Variants in RFTN2 observed in about 807,000 individuals in gnomAD.
RFTN2 encodes the protein raftlin-2.
In RFTN2, 34 loss-of-function variants were observed where a neutral mutation model predicts 52.7. The observed-to-expected ratio is 0.64, with a 90% CI of 0.49 to 0.86. The LOEUF (loss-of-function observed/expected upper bound fraction) is 0.86, where lower values mean the gene tolerates loss of function less well. Ranked by LOEUF, RFTN2 falls within the 40% of genes least tolerant of loss-of-function variation. The probability of loss-of-function intolerance (pLI) is 0.00; values close to 1 mark genes in which losing one functional copy is unlikely to be tolerated. For missense variants in RFTN2, 536 were observed against 600.1 expected (o/e 0.89, Z 1.12); for synonymous variants, 203 against 217.7 (o/e 0.93, Z 0.59).
chr2:197,636,413 C>G (rs1459577945), intron 3 of RFTN2, among the ~76,000 whole-genome samples: 5 of 136,750 alleles, frequency 3.7e-5, no homozygotes, highest in South Asian at 2.7e-4. Flanking sequence ...CTTTTATTTC[C>G]TTGAGCAGTG....
At chr2:197,602,630 C>G (rs1390130683) in intron 7 of RFTN2, among the ~76,000 whole-genome samples, 1 of 151,440 alleles carries the variant, frequency 6.6e-6, no homozygotes, top group East Asian at 2.0e-4. Flanking sequence ...CCTCTGTCTC[C>G]CAGGTTCAAG....
chr2:197,608,627 T>G (rs1247543949), intron 7 of RFTN2, among the ~76,000 whole-genome samples: 4 of 142,482 alleles, frequency 2.8e-5, no homozygotes, highest in African/African-American at 1.0e-4. Flanking sequence ...ACCAGACTTT[T>G]TTTTTTTTTT....
chr2:197,640,036 C>A (rs1398907452), intron 3 of RFTN2, among the ~76,000 whole-genome samples: 1 of 152,320 alleles, frequency 6.6e-6, no homozygotes, highest in Middle Eastern at 3.4e-3. Flanking sequence ...GGGGTGCCTC[C>A]CAGTTAGGCT....
At chr2:197,639,561 T>G (rs1182892057) in intron 3 of RFTN2, among the ~76,000 whole-genome samples, 1 of 135,412 alleles carries the variant, frequency 7.4e-6, no homozygotes, top group Admixed American at 7.6e-5. Context: ...ATTCTTCACG[T>G]AGTTCTCGAG....
Position 197,571,692 on chromosome 2 carries a change from C to A in RFTN2, c.*316G>T. The A allele has an allele frequency of 6.5e-6, 2 of 306,408 alleles. No homozygotes were observed. The highest frequency in any genetic ancestry group is 9.3e-5 in the South Asian group (2 of 21,412). The allele number at this position is 306,408 out of a possible 1,614,324, so 19.0% of individuals were successfully genotyped here. On this transcript the variant is annotated 3_prime_UTR_variant, in exon 9 of 9. Transcript: ENST00000295049. ...CTGATTGAGATATTCAGTCTCCTTA[C>A]CAGGAATTGTAAGAAAGTCTACTTT...
chr2:197,656,318 G>A (rs2088893783), intron 1 of RFTN2, among the ~76,000 whole-genome samples: 1 of 152,188 alleles, frequency 6.6e-6, no homozygotes, highest in East Asian at 1.9e-4. Context: ...TAGAAAGAGA[G>A]GCAGTACACT....
chr2:197,621,226 G>A (rs1007895823), intron 5 of RFTN2, among the ~76,000 whole-genome samples: 1 of 151,678 alleles, frequency 6.6e-6, no homozygotes, highest in African/African-American at 2.4e-5. Context: ...GTTGTATCCT[G>A]TGATAATTAC....
intron 7 of RFTN2, among the ~76,000 whole-genome samples, chr2:197,605,704 A>AT (rs919164752): frequency 2.9e-4 from 44 of 152,082 alleles, no homozygotes; most frequent in South Asian, 8.3e-4. Flanking sequence ...TGAATGCCAC[A>AT]TTTTTTTTGC....
rs575148949 is a variant in RFTN2 at position 197,640,543 on chromosome 2, C to T, written c.438+3615G>A. On this transcript the variant is annotated intron_variant, in intron 3 of 8. Transcript: ENST00000295049. ...TTTCTTTGACTCGGAAAGGGAACTC[C>T]CTGACCCCTTGCGCTTCCCAAGTGA... is the stretch of plus-strand genomic sequence containing the variant. Among the ~76,000 whole-genome samples, 482 of 144,752 alleles carry T rather than the reference C, an allele frequency of 3.3e-3. 3 individuals carry two copies. The highest frequency in any genetic ancestry group is 0.012 in the African/African-American group (463 of 39,150). The allele number at this position is 144,752 out of a possible 152,430, so 95.0% of individuals were successfully genotyped here. A position where few individuals can be genotyped will look rare whatever the true frequency, so the allele number is the denominator to read the frequency against.
At chr2:197,601,070 T>C (rs1314732648) in intron 7 of RFTN2, among the ~76,000 whole-genome samples, 1 of 152,116 alleles carries the variant, frequency 6.6e-6, no homozygotes, top group Non-Finnish European at 1.5e-5. Flanking sequence ...GAAGGACAGG[T>C]CAGCCAGGGC....
chr2:197,593,829 T>G (rs1003691115), intron 8 of RFTN2, among the ~76,000 whole-genome samples: 1 of 142,006 alleles, frequency 7.0e-6, no homozygotes, highest in Admixed American at 7.5e-5. Flanking sequence ...GAGGGTGTAG[T>G]GAGCAGAGAT....
intron 1 of RFTN2, among the ~76,000 whole-genome samples, chr2:197,654,870 G>T (rs1238391385): frequency 6.6e-6 from 1 of 152,024 alleles, no homozygotes; most frequent in Non-Finnish European, 1.5e-5. Flanking sequence ...GGTGGTGCAT[G>T]CCTGTAATCC....
chr2:197,641,758 C>T (rs78958619), intron 3 of RFTN2, among the ~76,000 whole-genome samples: 4,019 of 152,238 alleles, frequency 0.026, 171 homozygotes, highest in African/African-American at 0.092. Context: ...ACAAGGCAGC[C>T]GCTCAAAAAT....
chr2:197,599,118 A>AT (rs1319547909), intron 7 of RFTN2, among the ~76,000 whole-genome samples: 3 of 151,694 alleles, frequency 2.0e-5, no homozygotes, highest in Admixed American at 6.6e-5. Context: ...TGCCCGGCTC[A>AT]TTTTTTGTAT....
intron 1 of RFTN2, among the ~76,000 whole-genome samples, chr2:197,658,798 T>C (rs2088930801): frequency 6.6e-6 from 1 of 152,212 alleles, no homozygotes; most frequent in South Asian, 2.1e-4. Context: ...AAATTGATGC[T>C]ACATTATTTG....
intron 6 of RFTN2, 84 bp downstream of exon 6, chr2:197,617,716 T>C (rs1391515181): frequency 1.8e-6 from 1 of 543,568 alleles, no homozygotes; most frequent in African/African-American, 2.1e-5. Context: ...AACAAACAAA[T>C]GAAAAACCCA....
intron 1 of RFTN2, among the ~76,000 whole-genome samples, chr2:197,669,194 C>G (rs2089107734): frequency 6.6e-6 from 1 of 152,106 alleles, no homozygotes; most frequent in Non-Finnish European, 1.5e-5. Flanking sequence ...TATGAAGGAC[C>G]AAATTATGAC....
intron 7 of RFTN2, among the ~76,000 whole-genome samples, chr2:197,599,760 G>T (rs1012082046): frequency 6.6e-6 from 1 of 152,212 alleles, no homozygotes; most frequent in Non-Finnish European, 1.5e-5. Flanking sequence ...AGCTACTTCA[G>T]TGAGGCAAGA....
chr2:197,601,078 G>C (rs529486627), intron 7 of RFTN2, among the ~76,000 whole-genome samples: 3 of 152,126 alleles, frequency 2.0e-5, no homozygotes, highest in Non-Finnish European at 4.4e-5. Flanking sequence ...GGTCAGCCAG[G>C]GCAGGCTGAG....
Sources: gnomAD v4.1 joint callset for allele counts (sites outside exome capture counted in the v4.1 genomes callset) on GRCh38, gnomAD v4.1.1 for gene constraint, MANE v1.5 for transcripts, NCBI Gene and HGNC (gene_info 2026-07-23, HGNC 2026-07-21) for gene names.